Variants in CACNG2 observed in about 807,000 individuals in gnomAD.
CACNG2 encodes voltage-dependent calcium channel gamma-2 subunit.
In CACNG2, 3 loss-of-function variants were observed where a neutral mutation model predicts 25.9. The ratio of observed to expected loss-of-function variants is 0.12; its 90% CI spans 0.05 to 0.30. The LOEUF (loss-of-function observed/expected upper bound fraction) is 0.30. Ranked by LOEUF, CACNG2 falls within the 10% of genes least tolerant of loss-of-function variation. CACNG2 has a pLI of 1.00. For missense variants in CACNG2, 341 were observed against 432.5 expected, an observed-to-expected ratio of 0.79 and a Z score of 1.88; for synonymous variants, 167 against 173.3, an observed-to-expected ratio of 0.96 and a Z score of 0.29.
chr22:36,669,508 CAAAAAAAAA>C (rs1157379465), intron 1 of CACNG2, among the ~76,000 whole-genome samples: 3 of 61,638 alleles, frequency 4.9e-5, no homozygotes, highest in Admixed American at 2.3e-4. Context: ...ACTCTATCTC[CAAAAAAAAA>C]AAAAAAAAAA....
intron 1 of CACNG2, among the ~76,000 whole-genome samples, chr22:36,612,725 C>A (rs1935962663): frequency 6.6e-6 from 1 of 152,210 alleles, no homozygotes; most frequent in South Asian, 2.1e-4. Flanking sequence ...TCCTCACTTT[C>A]CCAAACATAC....
intron 1 of CACNG2, among the ~76,000 whole-genome samples, chr22:36,656,039 C>A (rs1936701749): frequency 6.6e-6 from 1 of 152,034 alleles, no homozygotes. Context: ...AACTCCTGAC[C>A]TCAGGTGATC....
chr22:36,640,715 T>C (rs1405582696), intron 1 of CACNG2, among the ~76,000 whole-genome samples: 1 of 152,226 alleles, frequency 6.6e-6, no homozygotes, highest in Non-Finnish European at 1.5e-5. Flanking sequence ...TCCGCGCTTG[T>C]TCCTGTGCAG....
In CACNG2 at chr22:36,645,536, C is replaced by CAAAAAAAAA. The variant is rs200600420; in HGVS notation, c.211+56821_211+56829dup. Among the ~76,000 whole-genome samples the CAAAAAAAAA allele has an allele frequency of 1.5e-3, 203 of 134,816 alleles. 5 individuals carry two copies. Among genetic ancestry groups the CAAAAAAAAA allele is most frequent in the African/African-American group, 5.3e-3 (191 of 36,308 alleles). 88.4% of individuals were successfully genotyped at this position (134,816 alleles called of 152,430 possible). A position where few individuals can be genotyped will look rare whatever the true frequency, so the allele number is the denominator to read the frequency against. ...TGGGCGACAGAGCAAGACTCTGTCT[C>CAAAAAAAAA]AAAAAAAAAAAAAAAAAAAAAAAAA... On this transcript the variant is annotated intron_variant, in intron 1 of 3. Transcript: ENST00000300105.
At chr22:36,575,490 G>A (rs1381761994) in intron 2 of CACNG2, among the ~76,000 whole-genome samples, 2 of 151,762 alleles carry the variant, frequency 1.3e-5, no homozygotes, top group African/African-American at 4.8e-5. Context: ...TTTTCTCACT[G>A]TGTCTGGCAG....
chr22:36,688,847 C>G (rs1937235083), intron 1 of CACNG2, among the ~76,000 whole-genome samples: 1 of 152,174 alleles, frequency 6.6e-6, no homozygotes, highest in Admixed American at 6.5e-5. Flanking sequence ...CCACCTGGAG[C>G]CCCAAATCAG....
Position 36,564,955 on chromosome 22 carries a change from C to T in CACNG2, c.437-69G>A. On this transcript the variant is annotated intron_variant, in intron 3 of 3. Transcript: ENST00000300105. This position sits in a 1 kb window ranked among gnomAD's most constrained non-coding sequence, Gnocchi z 6.7. ...CGTTAGTTTCTCAGGAAGTCGGCCA[C>T]AGGGCAGCCGTAAAGGACGGGGACA... is the stretch of plus-strand genomic sequence containing the variant. 3.4e-6 allele frequency: 5 copies of T among 1,451,590 alleles called. No homozygotes were observed. The highest frequency in any genetic ancestry group is 3.8e-6 in the Non-Finnish European group (4 of 1,046,900). The allele number at this position is 1,451,590 out of a possible 1,614,324, so 89.9% of individuals were successfully genotyped here.
intron 1 of CACNG2, among the ~76,000 whole-genome samples, chr22:36,690,182 G>A (rs1039167536): frequency 4.6e-5 from 7 of 152,166 alleles, no homozygotes; most frequent in South Asian, 4.1e-4. Context: ...TACAGAGGCC[G>A]GGAAACGGCC....
In CACNG2 at chr22:36,656,709, C is replaced by T. The variant is rs1936711128; in HGVS notation, c.211+45657G>A. On this transcript the variant is annotated intron_variant, in intron 1 of 3. Transcript: ENST00000300105. The stretch of plus-strand genomic sequence containing the variant: ...CAGGGGCCTTGGCCTCCTTGCACCT[C>T]ATCAAATGCACCCAGCACGTTCCTG... 3.3e-5 allele frequency among the ~76,000 whole-genome samples: 5 copies of T among 152,222 alleles called. No homozygotes were observed. The South Asian group carries it at 1.0e-3, about 31-fold the overall frequency.
chr22:36,664,770 G>T (rs1936850596), intron 1 of CACNG2, among the ~76,000 whole-genome samples: 1 of 152,232 alleles, frequency 6.6e-6, no homozygotes, highest in Non-Finnish European at 1.5e-5. Context: ...TAATAAAACA[G>T]AGTTTTCATA....
intron 1 of CACNG2, among the ~76,000 whole-genome samples, chr22:36,638,289 G>A (rs1417649828): frequency 6.6e-6 from 1 of 152,134 alleles, no homozygotes; most frequent in East Asian, 1.9e-4. Flanking sequence ...ATTGACGCAG[G>A]TCCCTTCCCT....
chr22:36,610,964 T>G (rs1935931162), intron 1 of CACNG2, among the ~76,000 whole-genome samples: 1 of 152,248 alleles, frequency 6.6e-6, no homozygotes, highest in African/African-American at 2.4e-5. Context: ...TAGTTGCCAT[T>G]GGGAAGGCAA....
At chr22:36,631,045 G>C (rs891275948) in intron 1 of CACNG2, among the ~76,000 whole-genome samples, 17 of 152,140 alleles carry the variant, frequency 1.1e-4, no homozygotes, top group African/African-American at 3.4e-4. Context: ...TGGCCAGGCT[G>C]TTCTCGAACT....
chr22:36,682,000 A>T (rs1937130919), intron 1 of CACNG2, among the ~76,000 whole-genome samples: 1 of 152,184 alleles, frequency 6.6e-6, no homozygotes. Context: ...CCATCAGCCC[A>T]TCTTCATGGT....
chr22:36,658,271 G>C (rs1273270776), intron 1 of CACNG2, among the ~76,000 whole-genome samples: 2 of 152,180 alleles, frequency 1.3e-5, no homozygotes, highest in African/African-American at 4.8e-5. Flanking sequence ...AGATTGCCCG[G>C]AACTGTGAAC....
chr22:36,565,014 T>A, intron 3 of CACNG2, 128 bp from the exon 4 acceptor site: 1 of 798,400 alleles, frequency 1.3e-6, no homozygotes, highest in Admixed American at 1.9e-5. Context: ...CGCGCCTTCA[T>A]GAACAGGTGG....
At chr22:36,636,672 C>T (rs1485615704) in intron 1 of CACNG2, among the ~76,000 whole-genome samples, 2 of 152,048 alleles carry the variant, frequency 1.3e-5, no homozygotes, top group African/African-American at 4.8e-5. Context: ...TGGAACTTCT[C>T]GTTTATTTAA....
intron 1 of CACNG2, among the ~76,000 whole-genome samples, chr22:36,611,697 G>C (rs770633944): frequency 6.6e-6 from 1 of 152,196 alleles, no homozygotes; most frequent in African/African-American, 2.4e-5. Flanking sequence ...ACTAAAGTGT[G>C]GGAGTCTGAC....
chr22:36,614,984 G>T (rs1336821436), intron 1 of CACNG2, among the ~76,000 whole-genome samples: 1 of 152,154 alleles, frequency 6.6e-6, no homozygotes, highest in Non-Finnish European at 1.5e-5. Flanking sequence ...CAGATGACAA[G>T]GGCCTCTGTC....
Sources: allele counts gnomAD v4.1 joint callset (sites outside exome capture counted in the v4.1 genomes callset), GRCh38; gene constraint gnomAD v4.1.1; non-coding constraint Gnocchi (gnomAD v3.1); transcripts MANE v1.5; gene names NCBI Gene and HGNC (gene_info 2026-07-23, HGNC 2026-07-21).